Variants in ST6GALNAC3 observed in about 807,000 individuals in gnomAD.
ST6GALNAC3 encodes alpha-N-acetylgalactosaminide alpha-2,6-sialyltransferase 3.
Under a neutral mutation model 32.7 loss-of-function variants are expected in ST6GALNAC3, and 25 were observed. That is an observed-to-expected ratio of 0.76 (90% CI 0.56 to 1.07). The LOEUF (loss-of-function observed/expected upper bound fraction) is 1.07, where lower values mean the gene tolerates loss of function less well. Ranked by LOEUF, ST6GALNAC3 falls within the 50% of genes least tolerant of loss-of-function variation. The probability of loss-of-function intolerance (pLI) is 0.00; values close to 1 mark genes in which losing one functional copy is unlikely to be tolerated. For missense variants in ST6GALNAC3, 355 were observed against 382.4 expected (o/e 0.93, Z 0.60); for synonymous variants, 129 against 133.1 (o/e 0.97, Z 0.21).
At chr1:76,302,247 G>T (rs1476983329) in intron 1 of ST6GALNAC3, among the ~76,000 whole-genome samples, 3 of 152,080 alleles carry the variant, frequency 2.0e-5, no homozygotes, top group Non-Finnish European at 4.4e-5. Context: ...GTCACCTGGG[G>T]TCACTACCAA....
At chr1:76,548,898 G>T (rs914889807) in intron 3 of ST6GALNAC3, among the ~76,000 whole-genome samples, 1 of 152,140 alleles carries the variant, frequency 6.6e-6, no homozygotes, top group East Asian at 1.9e-4. Context: ...TGGCTCTGCC[G>T]CCACTGTATC....
intron 1 of ST6GALNAC3, among the ~76,000 whole-genome samples, chr1:76,255,997 C>A (rs1657896799): frequency 7.1e-6 from 1 of 140,630 alleles, no homozygotes; most frequent in African/African-American, 2.9e-5. Flanking sequence ...ATAATTTTTT[C>A]AAAAGACTGT....
chr1:76,440,502 C>T (rs181113390), intron 3 of ST6GALNAC3, among the ~76,000 whole-genome samples: 1 of 152,254 alleles, frequency 6.6e-6, no homozygotes, highest in Admixed American at 6.5e-5. Context: ...AGAGATTATG[C>T]CAAGGGCAAA....
intron 1 of ST6GALNAC3, among the ~76,000 whole-genome samples, chr1:76,140,518 G>A (rs1391508680): frequency 6.6e-6 from 1 of 151,850 alleles, no homozygotes; most frequent in African/African-American, 2.4e-5. Flanking sequence ...TACTTCCTCT[G>A]GCAGAGTGTT....
intron 2 of ST6GALNAC3, among the ~76,000 whole-genome samples, chr1:76,366,157 A>T (rs901415554): frequency 6.6e-6 from 1 of 152,068 alleles, no homozygotes; most frequent in Non-Finnish European, 1.5e-5. Flanking sequence ...TTGTTTCTTT[A>T]TGAATCAGTC....
intron 3 of ST6GALNAC3, among the ~76,000 whole-genome samples, chr1:76,499,901 AC>A: frequency 1.3e-5 from 2 of 152,250 alleles, no homozygotes; most frequent in South Asian, 4.2e-4. Context: ...TAAATAGACA[AC>A]CGACAAAATA....
intron 1 of ST6GALNAC3, among the ~76,000 whole-genome samples, chr1:76,268,434 G>A (rs1658657663): frequency 6.6e-6 from 1 of 152,194 alleles, no homozygotes; most frequent in South Asian, 2.1e-4. Context: ...GACTGAGACT[G>A]CCACAATGTG....
At chr1:76,345,090 T>A (rs1021376663) in intron 2 of ST6GALNAC3, among the ~76,000 whole-genome samples, 5 of 152,142 alleles carry the variant, frequency 3.3e-5, no homozygotes, top group African/African-American at 1.2e-4. Context: ...CCTAGCTGAT[T>A]GCCTCTTTGT....
chr1:76,622,153 C>T (rs1648687367), intron 3 of ST6GALNAC3, among the ~76,000 whole-genome samples: 1 of 150,050 alleles, frequency 6.7e-6, no homozygotes, highest in Non-Finnish European at 1.5e-5. Flanking sequence ...ACTGAAGCTG[C>T]AAAGTTTGAG....
intron 1 of ST6GALNAC3, among the ~76,000 whole-genome samples, chr1:76,131,682 A>G (rs2100867146): frequency 6.6e-6 from 1 of 152,316 alleles, no homozygotes; most frequent in Non-Finnish European, 1.5e-5. Context: ...AGGATATTAA[A>G]TTGTGACAAA....
intron 3 of ST6GALNAC3, among the ~76,000 whole-genome samples, chr1:76,540,565 A>G (rs1663928766): frequency 6.6e-6 from 1 of 152,180 alleles, no homozygotes; most frequent in African/African-American, 2.4e-5. Flanking sequence ...TATTAAGATA[A>G]AAATGGGCTA....
chr1:76,243,125 T>C (rs528642980), intron 1 of ST6GALNAC3, among the ~76,000 whole-genome samples: 2 of 152,332 alleles, frequency 1.3e-5, no homozygotes, highest in Admixed American at 1.3e-4. Flanking sequence ...TCTTGTTTCC[T>C]GACTTTTTAG....
intron 1 of ST6GALNAC3, among the ~76,000 whole-genome samples, chr1:76,266,219 G>A (rs1014248582): frequency 2.6e-5 from 4 of 152,154 alleles, no homozygotes; most frequent in African/African-American, 9.7e-5. Context: ...AGTGATAAAC[G>A]AGGTAGAGAT....
intron 1 of ST6GALNAC3, among the ~76,000 whole-genome samples, chr1:76,128,249 G>C (rs77706722): frequency 0.013 from 1,988 of 152,236 alleles, 68 homozygotes; most frequent in African/African-American, 0.046. Context: ...TCTGCAGCAC[G>C]TGCCAGTCTC....
At chr1:76,127,392 A>T in intron 1 of ST6GALNAC3, among the ~76,000 whole-genome samples, 1 of 152,238 alleles carries the variant, frequency 6.6e-6, no homozygotes, top group East Asian at 1.9e-4. Context: ...GATGAGGTGC[A>T]TGGTAGGAAG....
At chr1:76,381,178 A>G (rs1466314948) in intron 2 of ST6GALNAC3, among the ~76,000 whole-genome samples, 1 of 132,362 alleles carries the variant, frequency 7.6e-6, no homozygotes, top group African/African-American at 2.6e-5. Context: ...TAAAAAAAAA[A>G]AAAAAAAAGA....
intron 1 of ST6GALNAC3, among the ~76,000 whole-genome samples, chr1:76,087,979 G>A (rs1646986650): frequency 6.6e-6 from 1 of 152,170 alleles, no homozygotes; most frequent in African/African-American, 2.4e-5. Context: ...GAGAACTTAA[G>A]TTCTTTGTCT....
Position 76,341,879 on chromosome 1 carries a change from G to A in ST6GALNAC3, c.213+27880G>A, listed in dbSNP as rs755279333. Among the ~76,000 whole-genome samples, 132 of 151,632 alleles carry A rather than the reference G, an allele frequency of 8.7e-4. 1 individual carries two copies. Among genetic ancestry groups the A allele is most frequent in the Non-Finnish European group, 1.6e-3 (106 of 67,946 alleles). ...CCCCTATCCCCCTGCTTCCTAACAG[G>A]CCCTAGTGTGTGATGTTCCCCTCCC... On this transcript the variant is annotated intron_variant, in intron 2 of 4. Transcript: ENST00000328299.
downstream of ST6GALNAC3, among the ~76,000 whole-genome samples, chr1:76,635,297 ATAGTTATC>A (rs1455210016): frequency 6.6e-6 from 1 of 152,178 alleles, no homozygotes; most frequent in East Asian, 1.9e-4. Context: ...AAATCAGCTT[ATAGTTATC>A]TATCCAACTC....
Sources: allele counts gnomAD v4.1 joint callset (sites outside exome capture counted in the v4.1 genomes callset), GRCh38; gene constraint gnomAD v4.1.1; transcripts MANE v1.5; gene names NCBI Gene and HGNC (gene_info 2026-07-23, HGNC 2026-07-21).